EIF5B: variants seen among roughly 807,000 people sequenced by gnomAD.
EIF5B encodes eukaryotic translation initiation factor 5B, also known as eIF-5B.
EIF5B carries 47 observed loss-of-function variants against 147.5 expected under a neutral mutation model. That is an observed-to-expected ratio of 0.32 (90% CI 0.25 to 0.41). The LOEUF (loss-of-function observed/expected upper bound fraction) is 0.41, where lower values mean the gene tolerates loss of function less well. Among genes scored for constraint, EIF5B ranks in the 10% least tolerant of loss-of-function variants. The pLI is 1.00. For synonymous variants in EIF5B, 455 were observed against 456.2 expected (o/e 1.00, Z 0.03); for missense variants, 1,064 against 1,413.2 (o/e 0.75, Z 3.96).
At chr2:99,347,960 T>C (rs2094276865) in intron 1 of EIF5B, among the ~76,000 whole-genome samples, 1 of 148,392 alleles carries the variant, frequency 6.7e-6, no homozygotes, top group Non-Finnish European at 1.5e-5. Flanking sequence ...TGCTAGAGAA[T>C]TTTGAAGCTT....
At chr2:99,361,947 T>G in intron 4 of EIF5B, 127 bp downstream of exon 4, 1 of 793,348 alleles carries the variant, frequency 1.3e-6, no homozygotes, top group Non-Finnish European at 1.8e-6. Flanking sequence ...TAAGGAGCCA[T>G]CTAAAAAATT....
intron 1 of EIF5B, among the ~76,000 whole-genome samples, chr2:99,342,584 CCTT>C (rs2094262317): frequency 6.6e-6 from 1 of 151,554 alleles, no homozygotes; most frequent in South Asian, 2.1e-4. Context: ...TCCTCCCCCT[CCTT>C]TTTTTTTGGT....
intron 4 of EIF5B, among the ~76,000 whole-genome samples, chr2:99,362,149 CAG>C (rs1559248849): frequency 6.6e-6 from 1 of 152,090 alleles, no homozygotes; most frequent in Non-Finnish European, 1.5e-5. Flanking sequence ...AACTCAGTGT[CAG>C]ATAATATTTG....
Position 99,376,423 on chromosome 2 carries a change from AGAT to A in EIF5B, c.1632_1634del (p.Asp544del), listed in dbSNP as rs745988568. On this transcript the variant is annotated inframe_deletion, in exon 10 of 24. Coordinates refer to ENST00000289371, the MANE Select transcript of EIF5B (RefSeq NM_015904.4). ...AGGAGGAGGAAGAAGAGGAAGAAGA[AGAT>A]GAAGAAAGTGAAGAAGAGGAGGAAG... 35 of 1,573,004 alleles carry A rather than the reference AGAT, an allele frequency of 2.2e-5. No individual in the cohort carries two copies. The highest frequency in any genetic ancestry group is 3.1e-5 in the Non-Finnish European group (35 of 1,145,578).
intron 1 of EIF5B, among the ~76,000 whole-genome samples, chr2:99,347,769 A>G (rs550094995): frequency 7.9e-5 from 12 of 152,042 alleles, no homozygotes; most frequent in African/African-American, 2.9e-4. Context: ...AAAAGGTTTA[A>G]TTTACCTAGT....
At chr2:99,384,433 T>C (rs1559257596) in intron 14 of EIF5B, among the ~76,000 whole-genome samples, 1 of 152,338 alleles carries the variant, frequency 6.6e-6, no homozygotes, top group Middle Eastern at 3.4e-3. Flanking sequence ...TCGTGCCTGC[T>C]AATACAGCAT....
chr2:99,368,474 T>C lies in EIF5B; in HGVS notation c.1289-19T>C, dbSNP rs1402034645. 1 of 1,599,716 alleles carries C rather than the reference T, an allele frequency of 6.3e-7. No individual in the cohort carries two copies. The highest frequency in any genetic ancestry group is 1.7e-5 in the Admixed American group (1 of 59,708). Reference sequence around the variant, plus strand: ...ATGCAAGTAGTATAAGCCTGAAGTTTTTCATTTTTATCCCTCAGGTGTTGA... The same window carrying C: ...ATGCAAGTAGTATAAGCCTGAAGTTCTTCATTTTTATCCCTCAGGTGTTGA... On this transcript the variant is annotated intron_variant, in intron 6 of 23. Transcript: ENST00000289371.
intron 5 of EIF5B, 112 bp from the exon 6 acceptor site, chr2:99,364,157 CAT>C (rs1574927153): frequency 2.2e-6 from 3 of 1,373,630 alleles, no homozygotes; most frequent in Non-Finnish European, 3.0e-6. Context: ...AATCTCCTAA[CAT>C]AATACTTTGC....
At chr2:99,359,213 A>C (rs1480038713) in intron 1 of EIF5B, among the ~76,000 whole-genome samples, 1 of 151,100 alleles carries the variant, frequency 6.6e-6, no homozygotes, top group Non-Finnish European at 1.5e-5. Flanking sequence ...ATACAAAAAA[A>C]AAAAAATGAA....
chr2:99,383,783 A>G (rs1186178725), intron 14 of EIF5B, among the ~76,000 whole-genome samples: 2 of 152,182 alleles, frequency 1.3e-5, no homozygotes, highest in African/African-American at 4.8e-5. Context: ...AAAGCCTTCT[A>G]TTGGCAAAAG....
intron 8 of EIF5B, chr2:99,371,235 T>C (rs1674438857): frequency 6.4e-6 from 1 of 155,642 alleles, no homozygotes; most frequent in Admixed American, 6.4e-5. Flanking sequence ...AAGCCTGTAA[T>C]CCCAGCACTT....
intron 14 of EIF5B, among the ~76,000 whole-genome samples, 160 bp downstream of exon 14, chr2:99,383,081 G>GT (rs577750889): frequency 0.018 from 2,616 of 145,792 alleles, 43 homozygotes; most frequent in African/African-American, 0.041. Flanking sequence ...TTTGTGTATA[G>GT]TTTTTTTTTT....
Position 99,389,762 on chromosome 2 carries a change from G to C in EIF5B, c.2316G>C (p.Val772=). 1 of 1,613,138 alleles carries C rather than the reference G, an allele frequency of 6.2e-7. No homozygotes were observed. The highest frequency in any genetic ancestry group is 8.5e-7 in the Non-Finnish European group (1 of 1,179,774). The change falls in exon 15 of 24, where the codon GTG becomes GTC. Residue 772 remains valine, a synonymous_variant. Coordinates refer to ENST00000289371, the MANE Select transcript of EIF5B (RefSeq NM_015904.4). Reference sequence around the variant, plus strand: ...GGAAAAAGAGTCCTGACTCTGATGTGGCTGCTACTTTAAAGAAGCAGAAAA... The same window carrying C: ...GGAAAAAGAGTCCTGACTCTGATGTCGCTGCTACTTTAAAGAAGCAGAAAA... ...YDWKKSPDSD[V]AATLKKQKKN...
intron 3 of EIF5B, 115 bp downstream of exon 3, chr2:99,360,664 A>G (rs1674190284): frequency 2.2e-6 from 2 of 917,438 alleles, no homozygotes; most frequent in Non-Finnish European, 3.1e-6. Flanking sequence ...ATGTTATTTA[A>G]AAGCTTCTAT....
intron 17 of EIF5B, among the ~76,000 whole-genome samples, chr2:99,392,671 T>TTTC (rs763016870): frequency 2.0e-5 from 3 of 152,348 alleles, no homozygotes; most frequent in Non-Finnish European, 2.9e-5. Flanking sequence ...GATGTACATT[T>TTTC]TTCTTCTGCA....
At chr2:99,392,569 A>C (rs1466518348) in intron 17 of EIF5B, among the ~76,000 whole-genome samples, 1 of 152,172 alleles carries the variant, frequency 6.6e-6, no homozygotes, top group Non-Finnish European at 1.5e-5. Context: ...CTAAGTGTGT[A>C]GCTCATTGCC....
rs61494312 is a variant in EIF5B, at chr2:99,386,468, C to CGTGT, written c.2272-3217_2272-3214dup. On this transcript the variant is annotated intron_variant, in intron 14 of 23. Transcript: ENST00000289371. ...TTTTCATTTTCTTTGTTTTGTTTTG[C>CGTGT]GTGTGTGTGTGTGTGTGTGTGTGTG... is the stretch of plus-strand genomic sequence containing the variant. Among the ~76,000 whole-genome samples the CGTGT allele has an allele frequency of 5.5e-3, 779 of 142,464 alleles. 7 individuals are homozygous for CGTGT. The highest frequency in any genetic ancestry group is 0.041 in the Middle Eastern group (11 of 270). 93.5% of individuals were successfully genotyped at this position (142,464 alleles called of 152,430 possible). A position where few individuals can be genotyped will look rare whatever the true frequency, so the allele number is the denominator to read the frequency against.
chr2:99,363,851 C>T lies in EIF5B; in HGVS notation c.1126C>T (p.Arg376Cys), dbSNP rs753090811. The change falls in exon 5 of 24, where the codon CGT (arginine) becomes TGT (cysteine). Residue 376 changes from arginine (R) to cysteine (C), a missense_variant. Transcript: ENST00000289371. ...IKRLEELEAK[R>C]KEEERLEQEK... ...ACGGCTTGAAGAATTAGAAGCCAAG[C>T]GTAAAGAAGAGGTATGTTTTCATGA... is the stretch of plus-strand genomic sequence containing the variant. 3.1e-6 allele frequency: 5 copies of T among 1,604,680 alleles called. No individual in the cohort carries two copies. Among genetic ancestry groups the T allele is most frequent in the African/African-American group, 1.3e-5 (1 of 74,214 alleles).
chr2:99,378,390 C>T (rs1187164131), intron 10 of EIF5B, among the ~76,000 whole-genome samples: 2 of 152,116 alleles, frequency 1.3e-5, no homozygotes, highest in South Asian at 2.1e-4. Context: ...GTAAATGCAA[C>T]GGAGAAGCAC....
Sources: gnomAD v4.1 joint callset for allele counts (sites outside exome capture counted in the v4.1 genomes callset) on GRCh38, gnomAD v4.1.1 for gene constraint, MANE v1.5 for transcripts, NCBI Gene and HGNC (gene_info 2026-07-23, HGNC 2026-07-21) for gene names.